The following CEP112 variants were observed in gnomAD, a reference collection of about 807,000 sequenced individuals.
The protein encoded by CEP112 is centrosomal protein of 112 kDa.
Under a neutral mutation model 153.0 loss-of-function variants are expected in CEP112, and 127 were observed. That is an observed-to-expected ratio of 0.83 (90% CI 0.72 to 0.96). The LOEUF (loss-of-function observed/expected upper bound fraction) is 0.96, where lower values mean the gene tolerates loss of function less well. Ranked by LOEUF, CEP112 falls within the 40% of genes least tolerant of loss-of-function variation. The probability of loss-of-function intolerance (pLI) is 0.00; values close to 1 mark genes in which losing one functional copy is unlikely to be tolerated. For synonymous variants in CEP112, 358 were observed against 374.4 expected, an observed-to-expected ratio of 0.96 and a Z score of 0.51; for missense variants, 1,089 against 1,101.2, an observed-to-expected ratio of 0.99 and a Z score of 0.16.
chr17:66,080,083 C>T (rs1002897775), intron 8 of CEP112, among the ~76,000 whole-genome samples: 1 of 152,100 alleles, frequency 6.6e-6, no homozygotes, highest in African/African-American at 2.4e-5. Flanking sequence ...CAATACCATT[C>T]AGGATATAGA....
intron 18 of CEP112, among the ~76,000 whole-genome samples, chr17:65,950,031 A>T (rs1405633738): frequency 6.6e-6 from 1 of 152,136 alleles, no homozygotes; most frequent in Non-Finnish European, 1.5e-5. Flanking sequence ...TGTATTTTTT[A>T]AAAAATAGCC....
chr17:65,798,256 C>G (rs531878035), intron 21 of CEP112, among the ~76,000 whole-genome samples: 1 of 152,118 alleles, frequency 6.6e-6, no homozygotes. Context: ...AAAAAAAACA[C>G]ATTATATATT....
chr17:65,987,780 C>T (rs2063461826), intron 17 of CEP112, among the ~76,000 whole-genome samples: 1 of 152,082 alleles, frequency 6.6e-6, no homozygotes, highest in South Asian at 2.1e-4. Flanking sequence ...TATACAATGT[C>T]CCTCCCCTCC....
chr17:65,694,205 T>C (rs556578115), intron 23 of CEP112, among the ~76,000 whole-genome samples: 6 of 152,120 alleles, frequency 3.9e-5, no homozygotes, highest in Non-Finnish European at 8.8e-5. Context: ...AACCTGCCCT[T>C]TGGGTGATGC....
chr17:66,026,490 T>C (rs2065217783), intron 16 of CEP112, among the ~76,000 whole-genome samples: 1 of 152,214 alleles, frequency 6.6e-6, no homozygotes, highest in Admixed American at 6.5e-5. Context: ...AAAGTTCTTG[T>C]TGCACATATG....
chr17:65,728,635 G>A lies in CEP112; in HGVS notation c.2607+14433C>T, dbSNP rs551586997. ...TTGTGGTATAATTGCCTATAGTACAGCATGTTACTATACTGTAACATTACT... is the reference window on the plus strand; with the variant it reads ...TTGTGGTATAATTGCCTATAGTACAACATGTTACTATACTGTAACATTACT... On this transcript the variant is annotated intron_variant, in intron 23 of 26. Coordinates refer to ENST00000535342, the MANE Select transcript of CEP112 (RefSeq NM_001199165.4). Among the ~76,000 whole-genome samples the A allele has an allele frequency of 7.0e-4, 106 of 152,252 alleles. 1 individual carries two copies. The highest frequency in any genetic ancestry group is 2.6e-3 in the African/African-American group (106 of 41,540).
At chr17:66,103,657 A>G (rs1424590514) in intron 6 of CEP112, among the ~76,000 whole-genome samples, 3 of 127,156 alleles carry the variant, frequency 2.4e-5, no homozygotes, top group Non-Finnish European at 5.6e-5. Flanking sequence ...AAGCACCTTC[A>G]TAAGAAGAAA....
At chr17:65,987,464 G>T (rs1598019573) in intron 17 of CEP112, among the ~76,000 whole-genome samples, 1 of 152,180 alleles carries the variant, frequency 6.6e-6, no homozygotes, top group Non-Finnish European at 1.5e-5. Context: ...CTAAAAAAAG[G>T]AAAACAATAT....
At chr17:66,044,969 T>C (rs1467495809) in intron 12 of CEP112, among the ~76,000 whole-genome samples, 3 of 151,176 alleles carry the variant, frequency 2.0e-5, no homozygotes, top group African/African-American at 7.3e-5. Flanking sequence ...AATTTAAAAA[T>C]AGACAAAGGG....
intron 8 of CEP112, among the ~76,000 whole-genome samples, chr17:66,075,689 T>C (rs2067465362): frequency 6.6e-6 from 1 of 152,118 alleles, no homozygotes; most frequent in South Asian, 2.1e-4. Context: ...ATCATTATGG[T>C]GGATGAGAGG....
chr17:65,846,626 T>C (rs151321847), intron 21 of CEP112, among the ~76,000 whole-genome samples: 536 of 152,346 alleles, frequency 3.5e-3, no homozygotes, highest in African/African-American at 0.012. Context: ...TGAAGCACAG[T>C]GGCGCAATCT....
At chr17:65,816,609 A>C (rs1186491139) in intron 21 of CEP112, among the ~76,000 whole-genome samples, 1 of 151,918 alleles carries the variant, frequency 6.6e-6, no homozygotes, top group Non-Finnish European at 1.5e-5. Flanking sequence ...TTGATTTTTT[A>C]AAAATTTTGA....
At chr17:65,735,019 T>C (rs565932201) in intron 23 of CEP112, among the ~76,000 whole-genome samples, 3 of 152,304 alleles carry the variant, frequency 2.0e-5, no homozygotes, top group Non-Finnish European at 4.4e-5. Flanking sequence ...CTTCCAAATG[T>C]TGATACACTT....
intron 4 of CEP112, among the ~76,000 whole-genome samples, chr17:66,162,974 TATG>T (rs1430203306): frequency 1.3e-5 from 2 of 152,034 alleles, no homozygotes; most frequent in Admixed American, 6.6e-5. Context: ...ATCTGAAAAA[TATG>T]ATGAGTTAAA....
At position 66,156,827 on chromosome 17, in the gene CEP112, T is replaced by C. The variant is rs568735912; in HGVS notation, c.470+18217A>G. On this transcript the variant is annotated intron_variant, in intron 4 of 26. Coordinates refer to ENST00000535342, the MANE Select transcript of CEP112 (RefSeq NM_001199165.4). ...ATGAAATTAAGTGTGAAGACAAGAT[T>C]AGAGAAAAAGAATGAAAAGGAACAA... Among the ~76,000 whole-genome samples, 3 of 151,872 alleles carry C rather than the reference T, an allele frequency of 2.0e-5. No homozygotes were observed. In the East Asian group the frequency reaches 5.8e-4, roughly 30 times the overall value.
chr17:65,701,571 T>C (rs768882991), intron 23 of CEP112, among the ~76,000 whole-genome samples: 3 of 152,144 alleles, frequency 2.0e-5, no homozygotes, highest in Admixed American at 6.5e-5. Flanking sequence ...AAACACTAGC[T>C]CTAACTAGGG....
chr17:65,850,989 TA>T (rs933886352), intron 21 of CEP112, among the ~76,000 whole-genome samples: 2 of 152,252 alleles, frequency 1.3e-5, no homozygotes, highest in African/African-American at 2.4e-5. Context: ...TCAGTCTATG[TA>T]AAATCAATGT....
intron 1 of CEP112, among the ~76,000 whole-genome samples, chr17:66,189,950 T>C (rs936299279): frequency 3.3e-5 from 5 of 152,114 alleles, no homozygotes; most frequent in Non-Finnish European, 5.9e-5. Context: ...GAGGATCACT[T>C]GAGCCCAAGA....
chr17:66,122,670 T>C (rs992545983), intron 6 of CEP112, among the ~76,000 whole-genome samples: 6 of 152,166 alleles, frequency 3.9e-5, no homozygotes, highest in African/African-American at 1.4e-4. Context: ...ACCCAGCTAT[T>C]ATGTCTACTA....
Sources: allele counts gnomAD v4.1 joint callset (sites outside exome capture counted in the v4.1 genomes callset), GRCh38; gene constraint gnomAD v4.1.1; transcripts MANE v1.5; gene names NCBI Gene and HGNC (gene_info 2026-07-23, HGNC 2026-07-21).